Variants in SEPTIN10 observed in about 807,000 individuals in gnomAD.
SEPTIN10 encodes the protein septin-10.
A neutral mutation model predicts 54.8 loss-of-function variants in SEPTIN10; 66 were observed. That is an observed-to-expected ratio of 1.21 (90% CI 0.99 to 1.48). The LOEUF (loss-of-function observed/expected upper bound fraction) is 1.48. Ranked by LOEUF, SEPTIN10 falls within the 40% of genes most tolerant of loss-of-function variation. The probability of loss-of-function intolerance (pLI) is 0.00; values close to 1 mark genes in which losing one functional copy is unlikely to be tolerated. For missense variants in SEPTIN10, 620 were observed against 545.6 expected, an observed-to-expected ratio of 1.14 and a Z score of -1.36; for synonymous variants, 161 against 181.0, an observed-to-expected ratio of 0.89 and a Z score of 0.89.
chr2:109,573,046 T>C (rs1190291235), intron 5 of SEPTIN10, among the ~76,000 whole-genome samples: 4 of 152,232 alleles, frequency 2.6e-5, no homozygotes, highest in East Asian at 3.8e-4. Context: ...TTACACAGTA[T>C]ACTAAAGCAA....
chr2:109,587,525 C>CA (rs1053938337), intron 2 of SEPTIN10, among the ~76,000 whole-genome samples: 4 of 152,084 alleles, frequency 2.6e-5, no homozygotes, highest in African/African-American at 9.7e-5. Flanking sequence ...AACTTGAACT[C>CA]AGAGATACAA....
intron 2 of SEPTIN10, among the ~76,000 whole-genome samples, chr2:109,587,270 G>A (rs144310093): frequency 9.9e-5 from 15 of 152,184 alleles, no homozygotes; most frequent in Non-Finnish European, 1.2e-4. Context: ...AGTACTAACA[G>A]CAGATCAAAT....
At position 109,553,092 on chromosome 2, in the gene SEPTIN10, T is replaced by C; in HGVS notation, c.1156A>G (p.Arg386Gly). ...CATCAAACCAGCATACTTGCCTCTC[T>C]CTCAGCTTCTTTCAATATGGCTTCT... ...EKEAILKEAE[R>G]ELQAKFEHLK... is the part of the protein sequence containing the mutation. The change falls in exon 9 of 11, where the codon AGA becomes GGA. Residue 386 changes from arginine to glycine, a missense_variant. Coordinates refer to ENST00000397712, the MANE Select transcript of SEPTIN10 (RefSeq NM_144710.5). 6.2e-7 allele frequency: 1 copy of C among 1,612,400 alleles called. No homozygotes were observed. The highest frequency in any genetic ancestry group is 8.5e-7 in the Non-Finnish European group (1 of 1,179,924).
chr2:109,542,864 CTAA>C lies in SEPTIN10; in HGVS notation c.*1442_*1444del, dbSNP rs1477114905. 1.3e-5 allele frequency: 2 copies of C among 152,390 alleles called. No individual in the cohort carries two copies. Among genetic ancestry groups the C allele is most frequent in the Non-Finnish European group, 2.9e-5 (2 of 68,016 alleles). 9.4% of individuals were successfully genotyped at this position (152,390 alleles called of 1,614,324 possible). On this transcript the variant is annotated 3_prime_UTR_variant, in exon 11 of 11. Transcript: ENST00000397712. ...ATGATTGCTCAGAATCTGACACAGA[CTAA>C]TAAGTTTCATTGTCTGAAAATACTC...
At chr2:109,570,415 G>GCTCA (rs377642287) in intron 5 of SEPTIN10, among the ~76,000 whole-genome samples, 1 of 151,790 alleles carries the variant, frequency 6.6e-6, no homozygotes, top group African/African-American at 2.4e-5. Flanking sequence ...AACCAACTGA[G>GCTCA]GATCAAAAAT....
intron 1 of SEPTIN10, among the ~76,000 whole-genome samples, chr2:109,609,571 G>A (rs751460263): frequency 1.4e-4 from 21 of 147,616 alleles, no homozygotes; most frequent in Admixed American, 1.2e-3. Context: ...TGCCGAGATC[G>A]CGCCACTGCA....
At chr2:109,580,094 C>T (rs1295224379) in intron 4 of SEPTIN10, among the ~76,000 whole-genome samples, 1 of 151,830 alleles carries the variant, frequency 6.6e-6, no homozygotes, top group Non-Finnish European at 1.5e-5. Context: ...GCACTCCAGC[C>T]TGGGCGACAA....
At position 109,593,068 on chromosome 2, in the gene SEPTIN10, A is replaced by G; in HGVS notation, c.82T>C (p.Ser28Pro). 6.3e-7 allele frequency: 1 copy of G among 1,599,604 alleles called. No homozygotes were observed. Among genetic ancestry groups the G allele is most frequent in the Non-Finnish European group, 8.5e-7 (1 of 1,173,764 alleles). ...TKTTCMSSQG[S>P]DDEQIKRENI... is the part of the protein sequence containing the mutation. ...ATACTCACTATCTGTTCATCATCTG[A>G]TCCTTGTGAAGACATACAAGTTGTT... Residue 28 changes from serine (S) to proline (P), a missense_variant, in exon 2 of 11, where the codon TCA becomes CCA. Coordinates refer to ENST00000397712, the MANE Select transcript of SEPTIN10 (RefSeq NM_144710.5).
At chr2:109,606,580 G>A (rs1698021248) in intron 1 of SEPTIN10, among the ~76,000 whole-genome samples, 1 of 147,014 alleles carries the variant, frequency 6.8e-6, no homozygotes, top group South Asian at 2.2e-4. Context: ...TACCTGCAAA[G>A]ATCTTCAGAG....
intron 10 of SEPTIN10, chr2:109,544,924 T>C: frequency 3.1e-6 from 3 of 977,188 alleles, no homozygotes; most frequent in Non-Finnish European, 3.6e-6. Context: ...CTTCCTCTTT[T>C]CCAAAAAAAC....
chr2:109,603,169 T>G (rs757383769), intron 1 of SEPTIN10, among the ~76,000 whole-genome samples: 1 of 152,084 alleles, frequency 6.6e-6, no homozygotes, highest in Non-Finnish European at 1.5e-5. Flanking sequence ...CAGTGTGAAG[T>G]CTATCAATGC....
chr2:109,598,791 A>T (rs1695895434), intron 1 of SEPTIN10, among the ~76,000 whole-genome samples: 1 of 152,188 alleles, frequency 6.6e-6, no homozygotes, highest in Non-Finnish European at 1.5e-5. Context: ...GAGGCAGGAG[A>T]ACTGCTTGAA....
intron 8 of SEPTIN10, among the ~76,000 whole-genome samples, chr2:109,556,938 G>C (rs766688920): frequency 1.6e-4 from 25 of 152,056 alleles, no homozygotes; most frequent in Non-Finnish European, 2.8e-4. Flanking sequence ...ACCAAACATG[G>C]CATGTTCTCA....
intron 1 of SEPTIN10, among the ~76,000 whole-genome samples, chr2:109,604,598 G>A (rs774819543): frequency 1.3e-5 from 2 of 151,610 alleles, no homozygotes; most frequent in Non-Finnish European, 2.9e-5. Flanking sequence ...ATGGTGGCGG[G>A]TGCCTGTAGT....
At chr2:109,589,221 C>CA (rs1693374014) in intron 2 of SEPTIN10, among the ~76,000 whole-genome samples, 1 of 152,088 alleles carries the variant, frequency 6.6e-6, no homozygotes, top group Admixed American at 6.6e-5. Flanking sequence ...TGGCACACCG[C>CA]AACCTCCACC....
At chr2:109,610,444 G>A (rs1699006305) in intron 1 of SEPTIN10, among the ~76,000 whole-genome samples, 1 of 152,202 alleles carries the variant, frequency 6.6e-6, no homozygotes, top group African/African-American at 2.4e-5. Flanking sequence ...GCCGGGCATG[G>A]TGGCTCACGC....
At chr2:109,599,393 G>A (rs1411492041) in intron 1 of SEPTIN10, among the ~76,000 whole-genome samples, 6 of 151,552 alleles carry the variant, frequency 4.0e-5, no homozygotes, top group Middle Eastern at 3.4e-3. Context: ...AGGAGGCGGA[G>A]GTTGCAGTGA....
intron 4 of SEPTIN10, among the ~76,000 whole-genome samples, chr2:109,576,364 G>A (rs1051047531): frequency 4.6e-5 from 7 of 151,956 alleles, no homozygotes; most frequent in South Asian, 4.2e-4. Flanking sequence ...CTCCCAAAGC[G>A]CTGGGATGAC....
intron 8 of SEPTIN10, among the ~76,000 whole-genome samples, chr2:109,557,645 G>A (rs1329102066): frequency 6.6e-6 from 1 of 152,070 alleles, no homozygotes; most frequent in Non-Finnish European, 1.5e-5. Flanking sequence ...AAACTTACAA[G>A]GCCAATTTCA....
Sources: gnomAD v4.1 joint callset for allele counts (sites outside exome capture counted in the v4.1 genomes callset) on GRCh38, gnomAD v4.1.1 for gene constraint, MANE v1.5 for transcripts, NCBI Gene and HGNC (gene_info 2026-07-23, HGNC 2026-07-21) for gene names.